The following SLC24A2 variants were observed in gnomAD, a reference collection of about 807,000 sequenced individuals.
SLC24A2 encodes sodium/potassium/calcium exchanger 2.
In SLC24A2, 36 loss-of-function variants were observed where a neutral mutation model predicts 62.0. The ratio of observed to expected loss-of-function variants is 0.58; its 90% CI spans 0.44 to 0.77. SLC24A2 has a LOEUF of 0.77. Ranked by LOEUF, SLC24A2 falls within the 30% of genes least tolerant of loss-of-function variation. The pLI is 0.00. For synonymous variants in SLC24A2, 358 were observed against 294.0 expected (o/e 1.22, Z -2.23); for missense variants, 846 against 817.9 (o/e 1.03, Z -0.42).
the SLC24A2 span, among the ~76,000 whole-genome samples, chr9:19,942,693 C>G: frequency 3.3e-5 from 5 of 152,144 alleles, no homozygotes; most frequent in African/African-American, 1.2e-4. Context: ...TATCCTAAGG[C>G]CACCATTTAT....
the SLC24A2 span, among the ~76,000 whole-genome samples, chr9:20,277,473 G>T: frequency 6.6e-6 from 1 of 151,756 alleles, no homozygotes; most frequent in South Asian, 2.1e-4. Context: ...GCAGCCGCAA[G>T]ACACATGAAA....
intron 9 of SLC24A2, among the ~76,000 whole-genome samples, chr9:19,522,519 T>A (rs1833251286): frequency 6.6e-6 from 1 of 152,212 alleles, no homozygotes; most frequent in Non-Finnish European, 1.5e-5. Context: ...ATTCTTATTT[T>A]TATAAGAAAT....
At chr9:20,201,063 C>G in the SLC24A2 span, among the ~76,000 whole-genome samples, 26 of 152,348 alleles carry the variant, frequency 1.7e-4, no homozygotes, top group African/African-American at 5.3e-4. Flanking sequence ...AAAGTCCAGA[C>G]TGTAACTCAG....
chr9:19,872,172 G>T, the SLC24A2 span, among the ~76,000 whole-genome samples: 1 of 152,142 alleles, frequency 6.6e-6, no homozygotes, highest in Non-Finnish European at 1.5e-5. Flanking sequence ...TAACAGGAAG[G>T]CAGGCAGTAA....
intron 10 of SLC24A2, 21 bp from the exon 11 acceptor site, chr9:19,516,423 G>A: frequency 6.2e-7 from 1 of 1,612,540 alleles, no homozygotes; most frequent in African/African-American, 1.3e-5. Flanking sequence ...GTGAAGCAGG[G>A]CAGAGGGGAG....
At chr9:19,895,177 C>T in the SLC24A2 span, among the ~76,000 whole-genome samples, 1 of 152,100 alleles carries the variant, frequency 6.6e-6, no homozygotes, top group East Asian at 1.9e-4. Context: ...AAGCTACAAT[C>T]CCTGTGCTCA....
At chr9:19,931,385 T>C in the SLC24A2 span, among the ~76,000 whole-genome samples, 1 of 152,244 alleles carries the variant, frequency 6.6e-6, no homozygotes. Flanking sequence ...TACAAAATAA[T>C]GTATTTAACA....
chr9:19,732,411 G>T (rs1821367199), intron 2 of SLC24A2, among the ~76,000 whole-genome samples: 1 of 152,156 alleles, frequency 6.6e-6, no homozygotes, highest in Non-Finnish European at 1.5e-5. Flanking sequence ...TAAAGAGCAT[G>T]AGAACCCCAA....
the SLC24A2 span, among the ~76,000 whole-genome samples, chr9:20,307,874 G>A: frequency 1.3e-5 from 2 of 152,228 alleles, no homozygotes; most frequent in East Asian, 3.9e-4. Flanking sequence ...CAATTGATTT[G>A]ACTACAAGAT....
chr9:20,096,610 C>T, the SLC24A2 span, among the ~76,000 whole-genome samples: 3 of 152,164 alleles, frequency 2.0e-5, no homozygotes. Flanking sequence ...ATGGGTTCTA[C>T]TTCTCTATTG....
chr9:20,072,091 C>A, the SLC24A2 span, among the ~76,000 whole-genome samples: 32 of 152,236 alleles, frequency 2.1e-4, no homozygotes, highest in African/African-American at 7.7e-4. Context: ...CCTCCACGTG[C>A]TAAGCTCTCT....
At chr9:20,010,017 G>T in the SLC24A2 span, among the ~76,000 whole-genome samples, 1 of 152,124 alleles carries the variant, frequency 6.6e-6, no homozygotes, top group Non-Finnish European at 1.5e-5. Flanking sequence ...AAGACAAACT[G>T]CAACCCTGCC....
the SLC24A2 span, among the ~76,000 whole-genome samples, chr9:20,102,849 G>C: frequency 6.6e-6 from 1 of 151,470 alleles, no homozygotes; most frequent in Admixed American, 6.6e-5. Context: ...GTGGGCGCAG[G>C]ACAGTAGGTG....
At chr9:19,592,066 T>G (rs1451475409) in intron 5 of SLC24A2, among the ~76,000 whole-genome samples, 1 of 152,358 alleles carries the variant, frequency 6.6e-6, no homozygotes, top group East Asian at 1.9e-4. Flanking sequence ...ACTATTTCAC[T>G]GCAACTAAGA....
rs776473513 is a variant in SLC24A2, at chr9:19,516,141, T to G, written c.*12A>C. The G allele has an allele frequency of 1.1e-5, 17 of 1,613,908 alleles. No homozygotes were observed. Among genetic ancestry groups the G allele is most frequent in the Non-Finnish European group, 7.6e-6 (9 of 1,179,980 alleles). ...CCATTCATGCTGCTGGTGCAAGATA[T>G]GGCTTTTCCTGCTAGATGGAGACGG... On this transcript the variant is annotated 3_prime_UTR_variant, in exon 11 of 11. Transcript: ENST00000341998.
At chr9:19,598,862 T>C (rs1836772716) in intron 4 of SLC24A2, among the ~76,000 whole-genome samples, 1 of 152,014 alleles carries the variant, frequency 6.6e-6, no homozygotes, top group South Asian at 2.1e-4. Flanking sequence ...AATCTTGGAG[T>C]AGATTAACAA....
intron 2 of SLC24A2, among the ~76,000 whole-genome samples, chr9:19,701,452 G>C (rs770206625): frequency 1.3e-5 from 2 of 152,096 alleles, no homozygotes; most frequent in South Asian, 4.1e-4. Context: ...CAGCTCCCCC[G>C]CACTTTGGGT....
At chr9:20,239,036 G>A in the SLC24A2 span, among the ~76,000 whole-genome samples, 1 of 152,146 alleles carries the variant, frequency 6.6e-6, no homozygotes, top group Non-Finnish European at 1.5e-5. Context: ...CTAAATCCTT[G>A]ACCTTGGACT....
chr9:20,081,807 G>C, the SLC24A2 span, among the ~76,000 whole-genome samples: 1 of 152,000 alleles, frequency 6.6e-6, no homozygotes, highest in Non-Finnish European at 1.5e-5. Context: ...GATATCATTG[G>C]GTGGGGATGG....
Sources: gnomAD v4.1 joint callset for allele counts (sites outside exome capture counted in the v4.1 genomes callset) on GRCh38, gnomAD v4.1.1 for gene constraint, MANE v1.5 for transcripts, NCBI Gene and HGNC (gene_info 2026-07-23, HGNC 2026-07-21) for gene names.